MIPOL1: variants seen among roughly 807,000 people sequenced by gnomAD.
The protein encoded by MIPOL1 is mirror-image polydactyly gene 1 protein.
Under a neutral mutation model 60.9 loss-of-function variants are expected in MIPOL1, and 57 were observed. The ratio of observed to expected loss-of-function variants is 0.94; its 90% CI spans 0.76 to 1.17. The LOEUF (loss-of-function observed/expected upper bound fraction) is 1.17, where lower values mean the gene tolerates loss of function less well. Among genes scored for constraint, MIPOL1 ranks in the 50% most tolerant of loss-of-function variants. MIPOL1 has a pLI of 0.00. For missense variants in MIPOL1, 551 were observed against 511.6 expected, an observed-to-expected ratio of 1.08 and a Z score of -0.74; for synonymous variants, 179 against 168.8, an observed-to-expected ratio of 1.06 and a Z score of -0.47.
chr14:37,550,956 T>G lies in MIPOL1; in HGVS notation c.*3985T>G, dbSNP rs1047424495. ...ATTATATATTTTAGTGTAAGTTAAG[T>G]TAAACTTCTAAAAGTTGAATTATTT... is the stretch of plus-strand genomic sequence containing the variant. On this transcript the variant is annotated 3_prime_UTR_variant, in exon 13 of 13. Transcript: ENST00000684589. The G allele has an allele frequency of 6.6e-6, 1 of 152,128 alleles. No homozygotes were observed. Among genetic ancestry groups the G allele is most frequent in the Admixed American group, 6.5e-5 (1 of 15,272 alleles). The allele number at this position is 152,128 out of a possible 1,614,324, so 9.4% of individuals were successfully genotyped here.
intron 10 of MIPOL1, among the ~76,000 whole-genome samples, chr14:37,402,914 C>A (rs139364804): frequency 6.6e-6 from 1 of 152,152 alleles, no homozygotes; most frequent in Admixed American, 6.5e-5. Context: ...TCAGTAGTAG[C>A]CATGGCTGCT....
At chr14:37,351,892 G>A (rs1252739032) in intron 9 of MIPOL1, among the ~76,000 whole-genome samples, 1 of 151,556 alleles carries the variant, frequency 6.6e-6, no homozygotes, top group Non-Finnish European at 1.5e-5. Context: ...TTCTCTTGCT[G>A]TGCAGAAGCT....
intron 7 of MIPOL1, among the ~76,000 whole-genome samples, chr14:37,304,189 A>G (rs1482457669): frequency 6.6e-6 from 1 of 151,772 alleles, no homozygotes; most frequent in African/African-American, 2.4e-5. Flanking sequence ...TTTGCTTCCT[A>G]TAATCTTCAG....
In MIPOL1 at chr14:37,270,454, A is replaced by T. The variant is rs35870036; in HGVS notation, c.422A>T (p.Gln141Leu). 1.8e-3 allele frequency: 2,862 copies of T among 1,600,698 alleles called. 46 individuals carry two copies. In the African/African-American group the frequency reaches 0.035, roughly 20 times the overall value. ...AAATTGGCTAAAGAAGATAAAGAAC[A>T]GAGAAAACTAAAGTTTAAGCTGGAA... is the stretch of plus-strand genomic sequence containing the variant. Reference protein sequence around the residue: ...QQKLAKEDKEQRKLKFKLELQ... With the variant: ...QQKLAKEDKELRKLKFKLELQ... Residue 141 changes from glutamine to leucine, a missense_variant, in exon 6 of 13, where the codon CAG (glutamine) becomes CTG (leucine). Coordinates refer to ENST00000684589, the MANE Select transcript of MIPOL1 (RefSeq NM_001388067.1).
At chr14:37,539,150 C>T (rs528261247) in intron 12 of MIPOL1, among the ~76,000 whole-genome samples, 1 of 151,794 alleles carries the variant, frequency 6.6e-6, no homozygotes, top group African/African-American at 2.4e-5. Context: ...TGCAGTGAGC[C>T]GAGATCGTGC....
At chr14:37,441,798 G>A (rs886972282) in intron 11 of MIPOL1, among the ~76,000 whole-genome samples, 1 of 151,976 alleles carries the variant, frequency 6.6e-6, no homozygotes, top group Non-Finnish European at 1.5e-5. Context: ...CCAATTCTAT[G>A]AAAAATGACG....
At chr14:37,542,611 C>T (rs1057398278) in intron 12 of MIPOL1, among the ~76,000 whole-genome samples, 13 of 152,158 alleles carry the variant, frequency 8.5e-5, no homozygotes, top group African/African-American at 2.9e-4. Context: ...TAACTCTTTC[C>T]TTCTCATCCT....
At chr14:37,347,462 T>C (rs1485917914) in intron 9 of MIPOL1, among the ~76,000 whole-genome samples, 2 of 152,076 alleles carry the variant, frequency 1.3e-5, no homozygotes, top group African/African-American at 2.4e-5. Context: ...AGATTGAAAA[T>C]AGATTAAAAG....
chr14:37,331,745 C>T (rs748086440), intron 9 of MIPOL1, among the ~76,000 whole-genome samples: 6 of 151,930 alleles, frequency 3.9e-5, no homozygotes, highest in South Asian at 2.1e-4. Flanking sequence ...CTTTCCAGTT[C>T]GAGTATGCTT....
At chr14:37,203,967 A>G (rs944956314) in intron 1 of MIPOL1, among the ~76,000 whole-genome samples, 1 of 152,084 alleles carries the variant, frequency 6.6e-6, no homozygotes, top group South Asian at 2.1e-4. Context: ...TATTTTTAGT[A>G]GCGACAGGGT....
intron 11 of MIPOL1, among the ~76,000 whole-genome samples, chr14:37,454,529 A>G (rs748181521): frequency 4.6e-5 from 7 of 152,218 alleles, no homozygotes; most frequent in Non-Finnish European, 7.3e-5. Context: ...TAATTTCCCC[A>G]AAGTCATAGT....
At chr14:37,253,032 A>G (rs1006086934) in intron 3 of MIPOL1, among the ~76,000 whole-genome samples, 9 of 151,884 alleles carry the variant, frequency 5.9e-5, no homozygotes, top group African/African-American at 1.7e-4. Context: ...GAAAATGTCT[A>G]GATAACTAAT....
At chr14:37,249,796 A>G (rs1973791321) in intron 3 of MIPOL1, among the ~76,000 whole-genome samples, 1 of 152,122 alleles carries the variant, frequency 6.6e-6, no homozygotes, top group Admixed American at 6.6e-5. Context: ...TAAAGAGCTC[A>G]AAAGCATTTT....
chr14:37,262,849 C>T (rs2082608107), intron 3 of MIPOL1, among the ~76,000 whole-genome samples: 1 of 152,130 alleles, frequency 6.6e-6, no homozygotes, highest in African/African-American at 2.4e-5. Flanking sequence ...GCTCTGTAAA[C>T]AGTATTGACC....
At chr14:37,311,901 G>T (rs2087359656) in intron 9 of MIPOL1, among the ~76,000 whole-genome samples, 1 of 151,988 alleles carries the variant, frequency 6.6e-6, no homozygotes, top group Non-Finnish European at 1.5e-5. Context: ...GCATTTAATT[G>T]TCACGTCCTT....
At chr14:37,382,632 A>G (rs528168295) in intron 10 of MIPOL1, among the ~76,000 whole-genome samples, 3 of 152,132 alleles carry the variant, frequency 2.0e-5, no homozygotes, top group African/African-American at 7.2e-5. Context: ...AATAACATTC[A>G]CAGACTGACA....
intron 3 of MIPOL1, among the ~76,000 whole-genome samples, chr14:37,252,382 T>G (rs951941350): frequency 6.6e-6 from 1 of 151,976 alleles, no homozygotes; most frequent in Non-Finnish European, 1.5e-5. Context: ...TATTGGAGGC[T>G]AGTAAATATT....
At chr14:37,270,364 A>G in intron 5 of MIPOL1, 56 bp from the exon 6 acceptor site, 4 of 898,662 alleles carry the variant, frequency 4.5e-6, no homozygotes, top group Non-Finnish European at 6.3e-6. Flanking sequence ...AATTAATTAT[A>G]TTTTTGCAAG....
At chr14:37,504,856 T>C (rs1423388980) in intron 12 of MIPOL1, 1 of 152,068 alleles carries the variant, frequency 6.6e-6, no homozygotes, top group Admixed American at 6.6e-5. Flanking sequence ...GATAGACTGC[T>C]AGCCAGACTA....
Sources: gnomAD v4.1 joint callset for allele counts (sites outside exome capture counted in the v4.1 genomes callset) on GRCh38, gnomAD v4.1.1 for gene constraint, MANE v1.5 for transcripts, NCBI Gene and HGNC (gene_info 2026-07-23, HGNC 2026-07-21) for gene names.